Variants in DIAPH2 observed in about 807,000 individuals in gnomAD.
DIAPH2 encodes protein diaphanous homolog 2.
Under a neutral mutation model 92.7 loss-of-function variants are expected in DIAPH2, and 35 were observed. That is an observed-to-expected ratio of 0.38 (90% CI 0.29 to 0.50). The LOEUF (loss-of-function observed/expected upper bound fraction) is 0.50, where lower values mean the gene tolerates loss of function less well. Ranked by LOEUF, DIAPH2 falls within the 20% of genes least tolerant of loss-of-function variation. The probability of loss-of-function intolerance (pLI) is 0.94; values close to 1 mark genes in which losing one functional copy is unlikely to be tolerated. For missense variants in DIAPH2, 701 were observed against 819.5 expected, an observed-to-expected ratio of 0.86 and a Z score of 1.77; for synonymous variants, 301 against 280.4, an observed-to-expected ratio of 1.07 and a Z score of -0.73.
At chrX:96,706,242 T>C (rs1173097287) in intron 1 of DIAPH2, among the ~76,000 whole-genome samples, 3 of 112,060 alleles carry the variant, frequency 2.7e-5, no homozygotes, top group Non-Finnish European at 5.6e-5. Context: ...CTCCTGCATT[T>C]CACCTGGGGT....
At chrX:97,249,858 T>A in intron 23 of DIAPH2, among the ~76,000 whole-genome samples, 1 of 111,685 alleles carries the variant, frequency 9.0e-6, no homozygotes, top group East Asian at 2.8e-4. Context: ...CCCAGCACTT[T>A]GGGAGGCTGA....
chrX:97,267,471 C>G (rs1329111242), intron 23 of DIAPH2, among the ~76,000 whole-genome samples: 1 of 111,578 alleles, frequency 9.0e-6, no homozygotes, highest in African/African-American at 3.3e-5. Flanking sequence ...TCTTAAGTTA[C>G]TTTGTAACTG....
intron 22 of DIAPH2, among the ~76,000 whole-genome samples, chrX:97,245,746 G>T (rs973321294): frequency 9.0e-6 from 1 of 111,551 alleles, no homozygotes; most frequent in Admixed American, 9.6e-5. Flanking sequence ...GCCCAGGAAA[G>T]ATCAGATAGT....
intron 4 of DIAPH2, among the ~76,000 whole-genome samples, chrX:96,823,491 A>G (rs1386054463): frequency 1.8e-5 from 2 of 111,457 alleles, no homozygotes; most frequent in Non-Finnish European, 3.8e-5. Context: ...AATATATTGC[A>G]CATGGGAAAA....
At chrX:97,441,345 T>TA (rs34957138) in intron 26 of DIAPH2, among the ~76,000 whole-genome samples, 43 of 102,380 alleles carry the variant, frequency 4.2e-4, no homozygotes, top group African/African-American at 1.3e-3. Context: ...AACCTCTGTC[T>TA]AAAAAAAAAA....
intron 4 of DIAPH2, among the ~76,000 whole-genome samples, chrX:96,855,523 T>C (rs975838363): frequency 5.5e-5 from 6 of 109,804 alleles, no homozygotes; most frequent in African/African-American, 2.0e-4. Flanking sequence ...TGGCTTAGTC[T>C]ATATCCTCAT....
intron 17 of DIAPH2, among the ~76,000 whole-genome samples, chrX:96,973,624 A>G (rs889543132): frequency 2.7e-5 from 3 of 109,618 alleles, no homozygotes; most frequent in African/African-American, 1.0e-4. Flanking sequence ...TAAAGTATAT[A>G]GGGGGATGTG....
At chrX:97,543,786 G>A (rs7062655) in intron 26 of DIAPH2, among the ~76,000 whole-genome samples, 42,819 of 109,883 alleles carry the variant, frequency 0.39, 6,814 homozygotes, top group Non-Finnish European at 0.5. Flanking sequence ...AATTACAGGC[G>A]TGAGCCACCA....
chrX:96,970,008 A>G (rs2065917818), intron 17 of DIAPH2, among the ~76,000 whole-genome samples: 1 of 112,041 alleles, frequency 8.9e-6, no homozygotes, highest in Non-Finnish European at 1.9e-5. Context: ...AATTCTGTTT[A>G]TGTGATGAAT....
chrX:97,296,341 C>T (rs2068643127), intron 23 of DIAPH2, among the ~76,000 whole-genome samples: 1 of 111,885 alleles, frequency 8.9e-6, no homozygotes, highest in Admixed American at 9.6e-5. Context: ...AACTTAATTA[C>T]TTCCTGAAAC....
chrX:96,758,151 C>T lies in DIAPH2; in HGVS notation c.343-3C>T, dbSNP rs774618818. The T allele has an allele frequency of 3.4e-6, 4 of 1,188,231 alleles. No homozygotes were observed. The highest frequency in any genetic ancestry group is 3.8e-5 in the South Asian group (2 of 52,013). The stretch of plus-strand genomic sequence containing the variant: ...TGCCCACAGTAAATGTTATCTCTTA[C>T]AGGAGGACATGAACCTTAACGAAGA... On this transcript the variant is annotated splice_region_variant and splice_polypyrimidine_tract_variant and intron_variant, in intron 3 of 26. Coordinates refer to ENST00000324765, the MANE Select transcript of DIAPH2 (RefSeq NM_006729.5).
intron 2 of DIAPH2, among the ~76,000 whole-genome samples, chrX:96,737,477 T>G (rs1386185387): frequency 8.9e-6 from 1 of 111,860 alleles, no homozygotes; most frequent in Non-Finnish European, 1.9e-5. Context: ...TGAAGATATA[T>G]TCTCCTGATA....
intron 21 of DIAPH2, among the ~76,000 whole-genome samples, chrX:97,135,106 A>C (rs2067161299): frequency 8.9e-6 from 1 of 112,115 alleles, no homozygotes; most frequent in South Asian, 3.7e-4. Flanking sequence ...AGTTGTGTAC[A>C]CAAAATTATA....
intron 22 of DIAPH2, among the ~76,000 whole-genome samples, chrX:97,162,551 C>G (rs1338490664): frequency 9.0e-6 from 1 of 111,697 alleles, no homozygotes; most frequent in Non-Finnish European, 1.9e-5. Flanking sequence ...GTTACCCAGG[C>G]TGGAGTGCAG....
At chrX:97,218,151 G>A (rs1402637463) in intron 22 of DIAPH2, among the ~76,000 whole-genome samples, 1 of 106,996 alleles carries the variant, frequency 9.3e-6, no homozygotes, top group Non-Finnish European at 1.9e-5. Flanking sequence ...GTGCAATGGA[G>A]CAATCTCGTC....
At chrX:97,521,580 T>G (rs1048691242) in intron 26 of DIAPH2, among the ~76,000 whole-genome samples, 5 of 111,492 alleles carry the variant, frequency 4.5e-5, no homozygotes, top group African/African-American at 1.6e-4. Flanking sequence ...GGGAGGTAAT[T>G]GAATCATGGC....
intron 19 of DIAPH2, among the ~76,000 whole-genome samples, chrX:97,080,419 C>G (rs748345369): frequency 3.5e-4 from 39 of 110,087 alleles, no homozygotes; most frequent in African/African-American, 1.1e-3. Flanking sequence ...AGATGTTTCT[C>G]TACGATGCAT....
At chrX:96,795,532 T>C (rs2064532480) in intron 4 of DIAPH2, among the ~76,000 whole-genome samples, 1 of 112,175 alleles carries the variant, frequency 8.9e-6, no homozygotes, top group African/African-American at 3.2e-5. Context: ...TTCTACCAAT[T>C]ATTGAAGAGG....
chrX:96,763,653 T>A (rs2064283105), intron 4 of DIAPH2, among the ~76,000 whole-genome samples: 1 of 111,914 alleles, frequency 8.9e-6, no homozygotes, highest in Non-Finnish European at 1.9e-5. Context: ...ATTAAATGGA[T>A]AAATTGAAAT....
Sources: gnomAD v4.1 joint callset for allele counts (sites outside exome capture counted in the v4.1 genomes callset) on GRCh38, gnomAD v4.1.1 for gene constraint, MANE v1.5 for transcripts, NCBI Gene and HGNC (gene_info 2026-07-23, HGNC 2026-07-21) for gene names.